Variants in UNC79 observed in about 807,000 individuals in gnomAD.
UNC79 encodes unc-79 subunit of NALCN channel complex.
UNC79 carries 37 observed loss-of-function variants against 283.1 expected under a neutral mutation model. The ratio of observed to expected loss-of-function variants is 0.13; its 90% CI spans 0.10 to 0.17. The LOEUF (loss-of-function observed/expected upper bound fraction) is 0.17, where lower values mean the gene tolerates loss of function less well. UNC79 is among the 10% of genes least tolerant of loss of function. The pLI, the probability that UNC79 is intolerant of heterozygous loss-of-function variation, is 1.00. For missense variants in UNC79, 2,272 were observed against 3,211.1 expected, an observed-to-expected ratio of 0.71 and a Z score of 7.07; for synonymous variants, 1,107 against 1,200.2, an observed-to-expected ratio of 0.92 and a Z score of 1.61.
chr14:93,567,926 G>A (rs1304140922), intron 14 of UNC79, among the ~76,000 whole-genome samples: 1 of 152,124 alleles, frequency 6.6e-6, no homozygotes, highest in African/African-American at 2.4e-5. Context: ...CAGAAAGGCG[G>A]GGACAACTCG....
chr14:93,688,543 G>A lies in UNC79; in HGVS notation c.6910-122G>A. ...ATGGGAAGGCTCTGAAGAAGTTTAA[G>A]CAGGTTGTTTGCTCAGAGTGGCGAT... is the stretch of plus-strand genomic sequence containing the variant. On this transcript the variant is annotated intron_variant, in intron 43 of 48. Transcript: ENST00000555664. The surrounding 1 kb of genome is among the most constrained non-coding windows in gnomAD (Gnocchi z 4.0). The A allele has an allele frequency of 9.2e-7, 1 of 1,087,780 alleles. No homozygotes were observed. The highest frequency in any genetic ancestry group is 1.7e-5 in the South Asian group (1 of 60,292). The allele number at this position is 1,087,780 out of a possible 1,614,324, so 67.4% of individuals were successfully genotyped here.
intron 1 of UNC79, among the ~76,000 whole-genome samples, chr14:93,341,143 A>T (rs2053699719): frequency 2.0e-5 from 3 of 152,130 alleles, no homozygotes. Context: ...GAAGAAGAGG[A>T]ATGTGAAATT....
intron 4 of UNC79, among the ~76,000 whole-genome samples, chr14:93,479,669 C>T (rs1163960415): frequency 6.6e-6 from 1 of 151,992 alleles, no homozygotes; most frequent in Non-Finnish European, 1.5e-5. Flanking sequence ...GGGTCTTATT[C>T]TGTTGCCTGG....
chr14:93,408,026 A>G (rs967004339), intron 1 of UNC79, among the ~76,000 whole-genome samples: 1 of 152,222 alleles, frequency 6.6e-6, no homozygotes, highest in African/African-American at 2.4e-5. Flanking sequence ...TACAGTTACT[A>G]TTACTCAATG....
chr14:93,345,483 ATAT>A (rs1436814958), intron 1 of UNC79, among the ~76,000 whole-genome samples: 1 of 152,258 alleles, frequency 6.6e-6, no homozygotes, highest in Non-Finnish European at 1.5e-5. Context: ...GTTCAGATTA[ATAT>A]TCTGAAAGAA....
intron 1 of UNC79, among the ~76,000 whole-genome samples, chr14:93,385,313 T>C (rs2054747717): frequency 6.6e-6 from 1 of 152,338 alleles, no homozygotes; most frequent in South Asian, 2.1e-4. Context: ...ATGAAATCTC[T>C]TTCTATTTTT....
At position 93,630,428 on chromosome 14, in the gene UNC79, T is replaced by C. The variant is rs1252099351; in HGVS notation, c.5609-373T>C. Among the ~76,000 whole-genome samples the C allele has an allele frequency of 2.6e-5, 4 of 152,192 alleles. No homozygotes were observed. In the East Asian group the frequency reaches 7.7e-4, roughly 29 times the overall value. Reference sequence around the variant, plus strand: ...TAAGTAGGAAATTGTCAGACAAAGGTGGAGTACCTAGACAGGAGATAGGGA... The same window carrying C: ...TAAGTAGGAAATTGTCAGACAAAGGCGGAGTACCTAGACAGGAGATAGGGA... On this transcript the variant is annotated intron_variant, in intron 30 of 48. Transcript: ENST00000555664.
chr14:93,584,849 A>G (rs2141826313), intron 20 of UNC79, among the ~76,000 whole-genome samples: 1 of 147,344 alleles, frequency 6.8e-6, no homozygotes, highest in African/African-American at 2.5e-5. Context: ...GGCACCCACC[A>G]CCACTCTGGC....
intron 1 of UNC79, among the ~76,000 whole-genome samples, chr14:93,337,679 C>T (rs1417372917): frequency 6.6e-6 from 1 of 152,070 alleles, no homozygotes; most frequent in Non-Finnish European, 1.5e-5. Context: ...CTGAAACATG[C>T]CCCCCTGAAA....
chr14:93,542,129 A>G lies in UNC79; in HGVS notation c.1525-337A>G, dbSNP rs78704109. Reference sequence around the variant, plus strand: ...TGATCATTTTAGAACTGAAATGTATATACATTATTTTCATTGAGGATATTG... The same window carrying G: ...TGATCATTTTAGAACTGAAATGTATGTACATTATTTTCATTGAGGATATTG... On this transcript the variant is annotated intron_variant, in intron 13 of 48. Transcript: ENST00000555664. 4.6e-3 allele frequency among the ~76,000 whole-genome samples: 704 copies of G among 152,220 alleles called. 3 individuals carry two copies. The highest frequency in any genetic ancestry group is 0.016 in the African/African-American group (669 of 41,518).
At chr14:93,388,230 G>A (rs1343695199) in intron 1 of UNC79, among the ~76,000 whole-genome samples, 1 of 151,998 alleles carries the variant, frequency 6.6e-6, no homozygotes, top group Admixed American at 6.6e-5. Flanking sequence ...TTCTGGCTAA[G>A]CCTCCCTGGT....
intron 20 of UNC79, among the ~76,000 whole-genome samples, chr14:93,583,229 GA>G (rs1332461526): frequency 2.0e-5 from 3 of 151,864 alleles, no homozygotes; most frequent in Non-Finnish European, 4.4e-5. Flanking sequence ...ATTGAGGCAG[GA>G]GAATCGCTTG....
At chr14:93,515,246 C>T (rs1181230308) in intron 7 of UNC79, among the ~76,000 whole-genome samples, 2 of 136,244 alleles carry the variant, frequency 1.5e-5, no homozygotes, top group South Asian at 2.6e-4. Flanking sequence ...CTAGAATTTC[C>T]ATTTGGTCCA....
chr14:93,654,590 C>A (rs972811962), intron 37 of UNC79, among the ~76,000 whole-genome samples: 1 of 150,200 alleles, frequency 6.7e-6, no homozygotes, highest in Non-Finnish European at 1.5e-5. Context: ...TAAAAATTAA[C>A]ATAATTTAAA....
chr14:93,350,009 A>G (rs1399032193), intron 1 of UNC79, among the ~76,000 whole-genome samples: 1 of 152,184 alleles, frequency 6.6e-6, no homozygotes, highest in Admixed American at 6.6e-5. Context: ...TAAAATCGTA[A>G]AATTATTTTG....
At chr14:93,582,884 G>A (rs1456867124) in intron 20 of UNC79, among the ~76,000 whole-genome samples, 4 of 152,188 alleles carry the variant, frequency 2.6e-5, no homozygotes, top group African/African-American at 7.2e-5. Context: ...GACGTTTAGG[G>A]ATTTCAGGAT....
At position 93,646,590 on chromosome 14, in the gene UNC79, C is replaced by T; in HGVS notation, c.6045-18C>T. Reference sequence around the variant, plus strand: ...AAACCTAAGATATTTGTGTGACTCTCTTTACTTTATTTCCTAGATTGGCAT... The same window carrying T: ...AAACCTAAGATATTTGTGTGACTCTTTTTACTTTATTTCCTAGATTGGCAT... On this transcript the variant is annotated intron_variant, in intron 34 of 48. Coordinates refer to ENST00000555664, the Ensembl canonical transcript of UNC79. 6.2e-7 allele frequency: 1 copy of T among 1,613,140 alleles called. No homozygotes were observed. The highest frequency in any genetic ancestry group is 8.5e-7 in the Non-Finnish European group (1 of 1,179,302).
At chr14:93,422,276 G>A (rs1011848278) in intron 1 of UNC79, among the ~76,000 whole-genome samples, 5 of 151,848 alleles carry the variant, frequency 3.3e-5, no homozygotes, top group African/African-American at 1.2e-4. Flanking sequence ...GCAATTGATT[G>A]AAAGAGTTGT....
intron 14 of UNC79, among the ~76,000 whole-genome samples, chr14:93,567,635 A>G (rs2062970753): frequency 6.6e-6 from 1 of 152,200 alleles, no homozygotes; most frequent in Non-Finnish European, 1.5e-5. Flanking sequence ...AAGCTGCCCA[A>G]TTTGTGAATT....
Sources: gnomAD v4.1 joint callset for allele counts (sites outside exome capture counted in the v4.1 genomes callset) on GRCh38, gnomAD v4.1.1 for gene constraint, Gnocchi (gnomAD v3.1) non-coding constraint, MANE v1.5 for transcripts, NCBI Gene and HGNC (gene_info 2026-07-23, HGNC 2026-07-21) for gene names.